Variants in SHROOM4 observed in about 807,000 individuals in gnomAD.
SHROOM4 encodes the protein protein Shroom4.
In SHROOM4, 17 loss-of-function variants were observed where a neutral mutation model predicts 80.3. The ratio of observed to expected loss-of-function variants is 0.21; its 90% CI spans 0.14 to 0.32. The LOEUF (loss-of-function observed/expected upper bound fraction) is 0.32. Ranked by LOEUF, SHROOM4 falls within the 10% of genes least tolerant of loss-of-function variation. The pLI is 1.00. For missense variants in SHROOM4, 993 were observed against 1,140.3 expected (o/e 0.87, Z 1.86); for synonymous variants, 400 against 437.5 (o/e 0.91, Z 1.07).
intron 1 of SHROOM4, among the ~76,000 whole-genome samples, chrX:50,782,370 A>G (rs1362534709): frequency 2.7e-5 from 3 of 111,503 alleles, no homozygotes; most frequent in African/African-American, 9.8e-5. Flanking sequence ...TAATGTCAGG[A>G]GGACAACCAT....
At chrX:50,611,934 A>G (rs1015629706) in intron 5 of SHROOM4, among the ~76,000 whole-genome samples, 4 of 111,353 alleles carry the variant, frequency 3.6e-5, no homozygotes, top group Non-Finnish European at 5.6e-5. Context: ...TCTCAAGAAA[A>G]AGAAAAAGAA....
At chrX:50,787,847 GC>G (rs1214096650) in intron 1 of SHROOM4, among the ~76,000 whole-genome samples, 1 of 109,374 alleles carries the variant, frequency 9.1e-6, no homozygotes, top group Non-Finnish European at 1.9e-5. Context: ...AAGAGATTAA[GC>G]TTTTGCCAGA....
At position 50,589,764 on chromosome X, in the gene SHROOM4, C is replaced by T. The variant is rs1928829453; in HGVS notation, c.*6931G>A. ...TCATGTTCACGCTTTTGTTTGAACA[C>T]CTGTTTCCAATTCTCTTGGGTATAT... is the stretch of plus-strand genomic sequence containing the variant. On this transcript the variant is annotated 3_prime_UTR_variant, in exon 9 of 9. Coordinates refer to ENST00000376020, the MANE Select transcript of SHROOM4 (RefSeq NM_020717.5). Among the ~76,000 whole-genome samples, 1 of 111,875 alleles carries T rather than the reference C, an allele frequency of 8.9e-6. No homozygotes were observed. The highest frequency in any genetic ancestry group is 3.8e-4 in the South Asian group (1 of 2,666).
chrX:50,707,469 A>T (rs1384655520), intron 1 of SHROOM4, among the ~76,000 whole-genome samples: 19 of 111,964 alleles, frequency 1.7e-4, no homozygotes, highest in Non-Finnish European at 5.6e-5. Flanking sequence ...GTGCTAATGG[A>T]CAATAAGTGA....
At chrX:50,622,659 A>G (rs1930622242) in intron 5 of SHROOM4, among the ~76,000 whole-genome samples, 1 of 112,080 alleles carries the variant, frequency 8.9e-6, no homozygotes, top group Admixed American at 9.4e-5. Flanking sequence ...TTTTACAGAA[A>G]TAACATAGTA....
chrX:50,648,439 T>C (rs1931922035), intron 2 of SHROOM4, among the ~76,000 whole-genome samples: 1 of 112,073 alleles, frequency 8.9e-6, no homozygotes, highest in Non-Finnish European at 1.9e-5. Context: ...TTTAAGGTGT[T>C]TGGAGAGGTA....
chrX:50,643,310 T>C (rs1466714542), intron 2 of SHROOM4: 1 of 111,543 alleles, frequency 9.0e-6, no homozygotes, highest in Non-Finnish European at 1.9e-5. Context: ...GTACCTACCA[T>C]GGAAGTTGCC....
At chrX:50,613,488 T>C (rs1384040342) in intron 5 of SHROOM4, among the ~76,000 whole-genome samples, 2 of 112,035 alleles carry the variant, frequency 1.8e-5, no homozygotes, top group Non-Finnish European at 3.8e-5. Context: ...AATTCATATA[T>C]GGAAATCATC....
In SHROOM4 at chrX:50,814,181, A is replaced by C; in HGVS notation, c.-163T>G. ...AGACGCTCAGGCAGCGAGCGAGCGC[A>C]AGGAGGAAATGACACGGAGCTGGAG... On this transcript the variant is annotated 5_prime_UTR_variant, in exon 1 of 9. Transcript: ENST00000376020. 1 of 462,261 alleles carries C rather than the reference A, an allele frequency of 2.2e-6. No homozygotes were observed. Among genetic ancestry groups the C allele is most frequent in the Admixed American group, 3.4e-5 (1 of 28,989 alleles). The allele number at this position is 462,261 out of a possible 1,213,427, so 38.1% of individuals were successfully genotyped here. A position where few individuals can be genotyped will look rare whatever the true frequency, so the allele number is the denominator to read the frequency against.
intron 5 of SHROOM4, among the ~76,000 whole-genome samples, chrX:50,623,438 T>A (rs1557252349): frequency 2.7e-5 from 3 of 111,192 alleles, no homozygotes; most frequent in Non-Finnish European, 3.8e-5. Context: ...TCTGCCGGCT[T>A]CGGCCTACCA....
Position 50,633,991 on chromosome X carries a change from G to T in SHROOM4, c.2082C>A (p.Ser694=), listed in dbSNP as rs782474461. 1.7e-6 allele frequency: 2 copies of T among 1,211,810 alleles called. No homozygotes were observed. Among genetic ancestry groups the T allele is most frequent in the East Asian group, 5.9e-5 (2 of 33,815 alleles). Residue 694 remains serine (S), a synonymous_variant, in exon 4 of 9, where the codon TCC becomes TCA. Coordinates refer to ENST00000376020, the MANE Select transcript of SHROOM4 (RefSeq NM_020717.5). ...TCCACCAGGTGTTCAGGCCCAAAGAGGACTGGCCAGGCCTCTGGCCAGGGC... is the reference window on the plus strand; with the variant it reads ...TCCACCAGGTGTTCAGGCCCAAAGATGACTGGCCAGGCCTCTGGCCAGGGC... The part of the protein sequence containing the change: ...RISPGQRPGQ[S]SLGLNTWWKA...
chrX:50,661,779 G>T (rs1375912035), intron 2 of SHROOM4, among the ~76,000 whole-genome samples: 1 of 111,787 alleles, frequency 8.9e-6, no homozygotes, highest in Non-Finnish European at 1.9e-5. Flanking sequence ...GGGCATGTTG[G>T]ATTGTAATGC....
At chrX:50,663,795 C>T (rs1013106876) in intron 2 of SHROOM4, among the ~76,000 whole-genome samples, 1 of 111,395 alleles carries the variant, frequency 9.0e-6, no homozygotes, top group East Asian at 2.8e-4. Context: ...TTGCTGCTGG[C>T]ATCACTCATT....
At chrX:50,740,000 C>T (rs1934612001) in intron 1 of SHROOM4, among the ~76,000 whole-genome samples, 1 of 51,394 alleles carries the variant, frequency 1.9e-5, no homozygotes, top group African/African-American at 7.8e-5. Flanking sequence ...TACTATGCAG[C>T]CATAAAAAAT....
At chrX:50,770,300 AAGGTATGT>A (rs1239401951) in intron 1 of SHROOM4, among the ~76,000 whole-genome samples, 1 of 112,306 alleles carries the variant, frequency 8.9e-6, no homozygotes, top group Non-Finnish European at 1.9e-5. Flanking sequence ...AACACATGAA[AAGGTATGT>A]ACACAGGTTT....
intron 2 of SHROOM4, among the ~76,000 whole-genome samples, chrX:50,666,430 C>T (rs1191605307): frequency 2.7e-5 from 3 of 111,533 alleles, no homozygotes; most frequent in Non-Finnish European, 3.8e-5. Flanking sequence ...GGAAATTCAT[C>T]ATAATAGTGA....
At chrX:50,750,771 T>TATCATCCTTC (rs1934898907) in intron 1 of SHROOM4, among the ~76,000 whole-genome samples, 1 of 112,136 alleles carries the variant, frequency 8.9e-6, no homozygotes, top group African/African-American at 3.2e-5. Context: ...TTATAATATT[T>TATCATCCTTC]ATCATCCTTC....
At chrX:50,696,958 G>A (rs1248970642) in intron 1 of SHROOM4, among the ~76,000 whole-genome samples, 1 of 111,999 alleles carries the variant, frequency 8.9e-6, no homozygotes, top group Non-Finnish European at 1.9e-5. Context: ...TACCATGAAG[G>A]TGATTTCCAC....
chrX:50,705,813 T>A (rs1412685937), intron 1 of SHROOM4, among the ~76,000 whole-genome samples: 2 of 110,664 alleles, frequency 1.8e-5, no homozygotes, highest in African/African-American at 3.3e-5. Context: ...CTCCTTGGGT[T>A]TCCTATGGGC....
Sources: allele counts gnomAD v4.1 joint callset (sites outside exome capture counted in the v4.1 genomes callset), GRCh38; gene constraint gnomAD v4.1.1; transcripts MANE v1.5; gene names NCBI Gene and HGNC (gene_info 2026-07-23, HGNC 2026-07-21).